Variants in COL22A1 observed in about 807,000 individuals in gnomAD.
The protein encoded by COL22A1 is collagen alpha-1(XXII) chain.
In COL22A1, 221 loss-of-function variants were observed where a neutral mutation model predicts 248.9. The ratio of observed to expected loss-of-function variants is 0.89; its 90% CI spans 0.80 to 0.99. The LOEUF (loss-of-function observed/expected upper bound fraction) is 0.99, where lower values mean the gene tolerates loss of function less well. Ranked by LOEUF, COL22A1 falls within the 50% of genes least tolerant of loss-of-function variation. The pLI is 0.00. For synonymous variants in COL22A1, 891 were observed against 793.4 expected, an observed-to-expected ratio of 1.12 and a Z score of -2.07; for missense variants, 2,240 against 2,179.0, an observed-to-expected ratio of 1.03 and a Z score of -0.56.
At chr8:138,779,591 A>T (rs375072466) in intron 13 of COL22A1, 29 bp from the exon 14 acceptor site, 39 of 1,553,906 alleles carry the variant, frequency 2.5e-5, no homozygotes, top group East Asian at 6.7e-5. Context: ...ACAAAGTCAT[A>T]GGCAGTGGGA....
At chr8:138,677,360 C>T (rs1172081841) in intron 40 of COL22A1, among the ~76,000 whole-genome samples, 1 of 152,236 alleles carries the variant, frequency 6.6e-6, no homozygotes, top group Non-Finnish European at 1.5e-5. Flanking sequence ...GAGCCCAGCA[C>T]AGCACTGAAC....
intron 35 of COL22A1, among the ~76,000 whole-genome samples, chr8:138,692,528 T>G: frequency 6.7e-6 from 1 of 148,356 alleles, no homozygotes; most frequent in East Asian, 2.0e-4. Flanking sequence ...GACTGGAAAA[T>G]CAGGTAAGAA....
In COL22A1 at chr8:138,633,494, C is replaced by T. The variant is rs115189226; in HGVS notation, c.3609+1516G>A. Reference sequence around the variant, plus strand: ...GAACATGTTATGGGGTTTGGAACTACCAGGGTGGAGTGGAGATGAGGCTGT... The same window carrying T: ...GAACATGTTATGGGGTTTGGAACTATCAGGGTGGAGTGGAGATGAGGCTGT... On this transcript the variant is annotated intron_variant, in intron 49 of 64. Coordinates refer to ENST00000303045, the MANE Select transcript of COL22A1 (RefSeq NM_152888.3). Among the ~76,000 whole-genome samples the T allele has an allele frequency of 2.8e-3, 425 of 152,254 alleles. 3 individuals carry two copies. The highest frequency in any genetic ancestry group is 9.9e-3 in the African/African-American group (413 of 41,566).
chr8:138,882,305 G>GC (rs1032731050), intron 2 of COL22A1, among the ~76,000 whole-genome samples: 7 of 150,570 alleles, frequency 4.6e-5, no homozygotes, highest in Admixed American at 4.6e-4. Context: ...TACTGACATT[G>GC]CCACACATAT....
chr8:138,755,972 G>T, intron 18 of COL22A1, 143 bp from the exon 19 acceptor site: 1 of 684,094 alleles, frequency 1.5e-6, no homozygotes, highest in Non-Finnish European at 2.5e-6. Context: ...TCTTGCCCGA[G>T]CCTGCTGTCT....
chr8:138,642,422 T>A (rs899226183), intron 47 of COL22A1, among the ~76,000 whole-genome samples: 9 of 152,184 alleles, frequency 5.9e-5, no homozygotes, highest in Admixed American at 1.3e-4. Context: ...GGGCTCATCA[T>A]GCAGGGTTAG....
intron 3 of COL22A1, among the ~76,000 whole-genome samples, chr8:138,858,903 C>T (rs1403490354): frequency 6.6e-6 from 1 of 152,154 alleles, no homozygotes; most frequent in Non-Finnish European, 1.5e-5. Flanking sequence ...GGAGATAGGC[C>T]TTCCCTAGGA....
Position 138,799,305 on chromosome 8 carries a change from G to A in COL22A1, c.1558-2448C>T, listed in dbSNP as rs192060945. On this transcript the variant is annotated intron_variant, in intron 11 of 64. Transcript: ENST00000303045. ...TTGGAAGGCTTTGTCTGTTAAATCC[G>A]ATATTTGTATCCTCTCTCAGGCAGT... Among the ~76,000 whole-genome samples, 15 of 152,156 alleles carry A rather than the reference G, an allele frequency of 9.9e-5. No homozygotes were observed. In the South Asian group the frequency reaches 1.0e-3, roughly 11 times the overall value.
At chr8:138,833,595 T>C (rs1305131837) in intron 4 of COL22A1, among the ~76,000 whole-genome samples, 2 of 152,178 alleles carry the variant, frequency 1.3e-5, no homozygotes, top group Non-Finnish European at 2.9e-5. Context: ...TGGGTAACAG[T>C]TTGGCAGCTT....
chr8:138,674,366 C>A (rs1322673467), intron 41 of COL22A1, among the ~76,000 whole-genome samples: 1 of 151,956 alleles, frequency 6.6e-6, no homozygotes, highest in Non-Finnish European at 1.5e-5. Flanking sequence ...CCTCCACACA[C>A]CTTTGCTTAG....
At chr8:138,718,785 T>C (rs1429498140) in intron 27 of COL22A1, among the ~76,000 whole-genome samples, 1 of 152,202 alleles carries the variant, frequency 6.6e-6, no homozygotes, top group African/African-American at 2.4e-5. Context: ...AGAAATTGAA[T>C]AAAAATGACA....
chr8:138,645,102 T>C (rs1438852941), intron 47 of COL22A1, among the ~76,000 whole-genome samples: 2 of 152,186 alleles, frequency 1.3e-5, no homozygotes, highest in African/African-American at 2.4e-5. Flanking sequence ...CTAGAGAGCA[T>C]GTGCACTTTG....
intron 4 of COL22A1, among the ~76,000 whole-genome samples, chr8:138,833,771 C>A (rs1452284627): frequency 1.3e-5 from 2 of 152,084 alleles, no homozygotes; most frequent in Admixed American, 6.5e-5. Context: ...TGTAAAGTAA[C>A]AGAAAAATCA....
rs1209739209 is a variant in COL22A1, at chr8:138,775,958, A to G, written c.1803+8T>C. ...CCGTATTGATGAATGAGTGCAGACT[A>G]TAAATACCTTTTCTCCTCGAGTTCC... is the stretch of plus-strand genomic sequence containing the variant. On this transcript the variant is annotated splice_region_variant and intron_variant, in intron 16 of 64. Coordinates refer to ENST00000303045, the MANE Select transcript of COL22A1 (RefSeq NM_152888.3). The G allele has an allele frequency of 6.2e-7, 1 of 1,613,918 alleles. No homozygotes were observed. Among genetic ancestry groups the G allele is most frequent in the Non-Finnish European group, 8.5e-7 (1 of 1,179,774 alleles).
intron 4 of COL22A1, among the ~76,000 whole-genome samples, chr8:138,842,900 A>G (rs2131863059): frequency 6.6e-6 from 1 of 152,288 alleles, no homozygotes; most frequent in South Asian, 2.1e-4. Context: ...CCAGTAGTTT[A>G]TTGGAGAGGT....
chr8:138,755,131 C>A (rs1028569510), intron 21 of COL22A1, 26 bp downstream of exon 21: 3 of 1,613,170 alleles, frequency 1.9e-6, no homozygotes, highest in South Asian at 1.1e-5. Flanking sequence ...GCAGAGCAAA[C>A]CCTGCGCAGG....
chr8:138,904,368 C>G (rs1270095352), intron 1 of COL22A1, among the ~76,000 whole-genome samples: 2 of 152,124 alleles, frequency 1.3e-5, no homozygotes, highest in Middle Eastern at 3.4e-3. Flanking sequence ...CCCGCCACCC[C>G]CTGCTGGCCC....
chr8:138,669,449 A>AACAGCCCAGG (rs1257575256), intron 41 of COL22A1, among the ~76,000 whole-genome samples: 1 of 152,182 alleles, frequency 6.6e-6, no homozygotes, highest in Non-Finnish European at 1.5e-5. Context: ...CAGAACCAGA[A>AACAGCCCAGG]ACAGCCCAGG....
At chr8:138,719,564 T>C (rs1454639410) in intron 27 of COL22A1, among the ~76,000 whole-genome samples, 1 of 152,146 alleles carries the variant, frequency 6.6e-6, no homozygotes, top group East Asian at 1.9e-4. Context: ...TTCTGCTTGG[T>C]TTTAATTGGG....
Sources: gnomAD v4.1 joint callset for allele counts (sites outside exome capture counted in the v4.1 genomes callset) on GRCh38, gnomAD v4.1.1 for gene constraint, MANE v1.5 for transcripts, NCBI Gene and HGNC (gene_info 2026-07-23, HGNC 2026-07-21) for gene names.